PLCB1: variants seen among roughly 807,000 people sequenced by gnomAD.
The protein encoded by PLCB1 is 1-phosphatidylinositol 4,5-bisphosphate phosphodiesterase beta-1.
A neutral mutation model predicts 161.8 loss-of-function variants in PLCB1; 46 were observed. The observed-to-expected ratio is 0.28, with a 90% confidence interval of 0.22 to 0.36. PLCB1 has a LOEUF of 0.36. PLCB1 is among the 10% of genes least tolerant of loss of function. PLCB1 has a pLI of 1.00. For missense variants in PLCB1, 1,016 were observed against 1,472.5 expected (o/e 0.69, Z 5.07); for synonymous variants, 517 against 503.7 (o/e 1.03, Z -0.35).
chr20:8,449,519 A>T (rs1276262125), intron 3 of PLCB1, among the ~76,000 whole-genome samples: 1 of 152,338 alleles, frequency 6.6e-6, no homozygotes, highest in East Asian at 1.9e-4. Flanking sequence ...TTAAGAGAGA[A>T]TAATATACTC....
chr20:8,345,660 A>G (rs1393822190), intron 2 of PLCB1, among the ~76,000 whole-genome samples: 1 of 152,136 alleles, frequency 6.6e-6, no homozygotes, highest in Non-Finnish European at 1.5e-5. Context: ...ATATTCCTAG[A>G]CTTTGCCAAA....
At chr20:8,547,296 T>C (rs1325299552) in intron 3 of PLCB1, among the ~76,000 whole-genome samples, 1 of 152,198 alleles carries the variant, frequency 6.6e-6, no homozygotes, top group Admixed American at 6.5e-5. Context: ...AATAAACAAT[T>C]ATGGCATTTT....
intron 3 of PLCB1, among the ~76,000 whole-genome samples, chr20:8,576,557 T>C (rs1223817400): frequency 6.6e-6 from 1 of 152,198 alleles, no homozygotes; most frequent in African/African-American, 2.4e-5. Context: ...ATACACATAG[T>C]CTCTCTTTAT....
At chr20:8,621,746 G>A (rs1336716963) in intron 3 of PLCB1, among the ~76,000 whole-genome samples, 1 of 152,198 alleles carries the variant, frequency 6.6e-6, no homozygotes, top group Non-Finnish European at 1.5e-5. Context: ...AACACGGTGT[G>A]ATATGGAGAG....
At chr20:8,169,131 A>G (rs1235590059) in intron 2 of PLCB1, among the ~76,000 whole-genome samples, 1 of 152,136 alleles carries the variant, frequency 6.6e-6, no homozygotes, top group Non-Finnish European at 1.5e-5. Context: ...AAGGGGAAGG[A>G]AGGCCATTAC....
chr20:8,539,676 CTTTCTT>C (rs1568499527), intron 3 of PLCB1, among the ~76,000 whole-genome samples: 5 of 90,524 alleles, frequency 5.5e-5, no homozygotes, highest in African/African-American at 1.9e-4. Context: ...TTCTTTCTTT[CTTTCTT>C]TCTTTTTCTT....
intron 4 of PLCB1, among the ~76,000 whole-genome samples, chr20:8,637,272 T>C (rs552321799): frequency 6.6e-6 from 1 of 152,334 alleles, no homozygotes; most frequent in African/African-American, 2.4e-5. Flanking sequence ...TTAAAAATAC[T>C]TTTTGAAAAT....
At chr20:8,422,381 C>T (rs6055804) in intron 3 of PLCB1, among the ~76,000 whole-genome samples, 254 of 152,254 alleles carry the variant, frequency 1.7e-3, no homozygotes, top group African/African-American at 5.9e-3. Context: ...ACTCATTATG[C>T]AAAATGCCTG....
chr20:8,435,804 A>G (rs1228108366), intron 3 of PLCB1, among the ~76,000 whole-genome samples: 1 of 152,170 alleles, frequency 6.6e-6, no homozygotes, highest in Non-Finnish European at 1.5e-5. Context: ...GTTACCAGAT[A>G]TACTGCAAAG....
chr20:8,508,308 G>A (rs540283852), intron 3 of PLCB1, among the ~76,000 whole-genome samples: 8 of 152,276 alleles, frequency 5.3e-5, no homozygotes, highest in East Asian at 3.9e-4. Flanking sequence ...GCATTGCTGC[G>A]TCCATCCCAG....
intron 3 of PLCB1, among the ~76,000 whole-genome samples, chr20:8,603,661 C>T (rs1987667548): frequency 6.6e-6 from 1 of 152,194 alleles, no homozygotes; most frequent in Admixed American, 6.5e-5. Context: ...TGGGGTTGGA[C>T]CTAGCAATGT....
At chr20:8,357,592 G>A (rs1986400500) in intron 2 of PLCB1, among the ~76,000 whole-genome samples, 1 of 151,960 alleles carries the variant, frequency 6.6e-6, no homozygotes, top group African/African-American at 2.4e-5. Flanking sequence ...CGAGCGAGGA[G>A]GATCCCTTGA....
chr20:8,714,754 T>A (rs569991413), intron 12 of PLCB1, among the ~76,000 whole-genome samples: 26 of 152,290 alleles, frequency 1.7e-4, no homozygotes, highest in Non-Finnish European at 3.8e-4. Flanking sequence ...GAATCTCTCC[T>A]TAGCCTCTCC....
At chr20:8,140,501 C>T (rs1568567222) in intron 1 of PLCB1, among the ~76,000 whole-genome samples, 1 of 152,064 alleles carries the variant, frequency 6.6e-6, no homozygotes, top group African/African-American at 2.4e-5. Context: ...ATTCAAAATC[C>T]AGACTAAGTC....
At chr20:8,265,187 C>T (rs2123250783) in intron 2 of PLCB1, among the ~76,000 whole-genome samples, 1 of 152,274 alleles carries the variant, frequency 6.6e-6, no homozygotes, top group South Asian at 2.1e-4. Context: ...TAATTTTGAA[C>T]AATCTCAATC....
intron 23 of PLCB1, chr20:8,750,931 C>CAATT: frequency 4.1e-6 from 2 of 487,314 alleles, no homozygotes; most frequent in Non-Finnish European, 6.2e-6. Flanking sequence ...AAGAACTGCA[C>CAATT]TCTTTTTTTT....
At chr20:8,611,548 A>G (rs779403081) in intron 3 of PLCB1, among the ~76,000 whole-genome samples, 2 of 152,188 alleles carry the variant, frequency 1.3e-5, no homozygotes, top group Non-Finnish European at 2.9e-5. Flanking sequence ...CAGTTCTAAA[A>G]ACATGGCTAT....
At chr20:8,313,572 A>G (rs894677810) in intron 2 of PLCB1, among the ~76,000 whole-genome samples, 8 of 152,340 alleles carry the variant, frequency 5.3e-5, no homozygotes, top group Middle Eastern at 3.4e-3. Context: ...TGGGAGGAGC[A>G]AAGAATTGGA....
At chr20:8,231,680 C>T (rs1980046668) in intron 2 of PLCB1, among the ~76,000 whole-genome samples, 2 of 151,742 alleles carry the variant, frequency 1.3e-5, no homozygotes, top group Non-Finnish European at 2.9e-5. Flanking sequence ...CAACACATTC[C>T]CAAGTCTAAT....
Sources: allele counts gnomAD v4.1 joint callset (sites outside exome capture counted in the v4.1 genomes callset), GRCh38; gene constraint gnomAD v4.1.1; transcripts MANE v1.5; gene names NCBI Gene and HGNC (gene_info 2026-07-23, HGNC 2026-07-21).